Variants in ERCC6L2 observed in about 807,000 individuals in gnomAD.
The protein encoded by ERCC6L2 is ERCC excision repair 6 like 2.
A neutral mutation model predicts 132.0 loss-of-function variants in ERCC6L2; 77 were observed. That is an observed-to-expected ratio of 0.58 (90% CI 0.49 to 0.71). ERCC6L2 has a LOEUF of 0.71. Among genes scored for constraint, ERCC6L2 ranks in the 30% least tolerant of loss-of-function variants. The pLI is 0.00. For synonymous variants in ERCC6L2, 583 were observed against 632.4 expected (o/e 0.92, Z 1.17); for missense variants, 1,542 against 1,837.6 (o/e 0.84, Z 2.94).
chr9:95,907,057 A>T (rs758497633), intron 3 of ERCC6L2, 21 bp from the exon 4 acceptor site: 4 of 1,574,390 alleles, frequency 2.5e-6, no homozygotes, highest in Admixed American at 4.1e-5. Flanking sequence ...AAACAGCAAA[A>T]TTTTTTTATT....
rs919722479 is a variant in ERCC6L2 at position 96,012,889 on chromosome 9, G to A, written c.4339G>A (p.Asp1447Asn). The A allele has an allele frequency of 1.5e-6, 2 of 1,367,502 alleles. No individual in the cohort carries two copies. The highest frequency in any genetic ancestry group is 2.0e-6 in the Non-Finnish European group (2 of 1,021,834). 84.7% of individuals were successfully genotyped at this position (1,367,502 alleles called of 1,614,324 possible). ...ACTTGGTGATACCTCTATTCTTGAT[G>A]ACCTTTTTAAAAGTCATGGGAACAG... ...SLLGDTSILD[D>N]LFKSHGNSPT... Residue 1447 changes from aspartate to asparagine, a missense_variant, in exon 19 of 19, where the codon GAC (aspartate) becomes AAC (asparagine). By Grantham distance (23) the Asp-to-Asn change is conservative. Transcript: ENST00000653738.
chr9:96,041,013 A>G (rs983567584), intron 20 of ERCC6L2, among the ~76,000 whole-genome samples: 1 of 152,224 alleles, frequency 6.6e-6, no homozygotes, highest in Admixed American at 6.5e-5. Flanking sequence ...ATGCCGCTGT[A>G]AACAAGATAA....
rs532088236 is a variant in ERCC6L2, at chr9:95,892,424, CT to C, written c.472-5406del. On this transcript the variant is annotated intron_variant, in intron 2 of 18. Transcript: ENST00000653738. ...AAGTTTCTCGGTGAAGTGTATAAAT[CT>C]TTTTTTTTTTTTTTTTTTGAGGCAA... Among the ~76,000 whole-genome samples the C allele has an allele frequency of 7.6e-3, 872 of 115,110 alleles. 5 individuals are homozygous for C. Among genetic ancestry groups the C allele is most frequent in the Middle Eastern group, 0.01 (2 of 192 alleles). The allele number at this position is 115,110 out of a possible 152,430, so 75.5% of individuals were successfully genotyped here. A position where few individuals can be genotyped will look rare whatever the true frequency, so the allele number is the denominator to read the frequency against.
intron 12 of ERCC6L2, among the ~76,000 whole-genome samples, chr9:95,954,187 A>G (rs1436496823): frequency 6.6e-6 from 1 of 152,234 alleles, no homozygotes. Context: ...GTCTTACTGC[A>G]AAGCTTACAC....
chr9:95,954,464 AC>A (rs752303055), intron 12 of ERCC6L2, among the ~76,000 whole-genome samples: 3 of 152,306 alleles, frequency 2.0e-5, no homozygotes, highest in African/African-American at 4.8e-5. Flanking sequence ...GGAACTGAGA[AC>A]AGAAATAAAG....
intron 4 of ERCC6L2, among the ~76,000 whole-genome samples, chr9:95,908,159 T>C (rs1829169743): frequency 6.6e-6 from 1 of 152,156 alleles, no homozygotes; most frequent in Non-Finnish European, 1.5e-5. Flanking sequence ...ATTGTGTCGC[T>C]TCTCCTCAAC....
At chr9:95,888,272 G>C (rs567496406) in intron 2 of ERCC6L2, among the ~76,000 whole-genome samples, 1 of 152,038 alleles carries the variant, frequency 6.6e-6, no homozygotes, top group Non-Finnish European at 1.5e-5. Flanking sequence ...CCCAGCCTCA[G>C]ATTTACTCAG....
rs552287286 is a variant in ERCC6L2, at chr9:95,885,101, G to T, written c.471+3808G>T. On this transcript the variant is annotated intron_variant, in intron 2 of 18. Coordinates refer to ENST00000653738, the MANE Select transcript of ERCC6L2 (RefSeq NM_020207.7). ...ATAATAACTACTATCTTATAAGCAG[G>T]TTGCAGATTTTTTTTTGTCAAAGAT... 3.9e-3 allele frequency among the ~76,000 whole-genome samples: 596 copies of T among 152,198 alleles called. 1 individual carries two copies. The highest frequency in any genetic ancestry group is 0.014 in the African/African-American group (568 of 41,522).
At chr9:96,040,508 C>G (rs1391548367) in intron 20 of ERCC6L2, among the ~76,000 whole-genome samples, 1 of 152,230 alleles carries the variant, frequency 6.6e-6, no homozygotes, top group Non-Finnish European at 1.5e-5. Flanking sequence ...GCGCTGGTGC[C>G]CTCGGAGCTC....
chr9:95,875,777 G>A lies in ERCC6L2; in HGVS notation c.-262G>A, dbSNP rs543198988. The A allele has an allele frequency of 1.5e-5, 8 of 544,018 alleles. No individual in the cohort carries two copies. Among genetic ancestry groups the A allele is most frequent in the African/African-American group, 7.6e-5 (4 of 52,608 alleles). The allele number at this position is 544,018 out of a possible 1,614,324, so 33.7% of individuals were successfully genotyped here. On this transcript the variant is annotated 5_prime_UTR_variant, in exon 1 of 19. Coordinates refer to ENST00000653738, the MANE Select transcript of ERCC6L2 (RefSeq NM_020207.7). ...AGCCCGAGAGAACTAGGTGAACACC[G>A]CTTTGCCAGCCTCACACAGCGTCCC... is the stretch of plus-strand genomic sequence containing the variant.
chr9:96,026,262 A>C (rs1329289490), intron 19 of ERCC6L2, among the ~76,000 whole-genome samples: 4 of 152,194 alleles, frequency 2.6e-5, no homozygotes, highest in Non-Finnish European at 4.4e-5. Context: ...GCTGACGGGA[A>C]CAGGCTCCTG....
intron 19 of ERCC6L2, among the ~76,000 whole-genome samples, chr9:96,029,308 AAAAAAAAAAAAAAAAC>A (rs1005599108): frequency 1.4e-5 from 2 of 141,458 alleles, no homozygotes; most frequent in Non-Finnish European, 3.0e-5. Flanking sequence ...CGTCTCAAAA[AAAAAAAAAAAAAAAAC>A]AAAAAAAAAA....
intron 6 of ERCC6L2, among the ~76,000 whole-genome samples, chr9:95,919,560 C>T (rs963995101): frequency 1.3e-5 from 2 of 152,130 alleles, no homozygotes. Context: ...ACCTTTAAGG[C>T]TCATTACACC....
chr9:95,998,709 A>G (rs139234888), intron 17 of ERCC6L2, among the ~76,000 whole-genome samples: 47 of 152,328 alleles, frequency 3.1e-4, no homozygotes, highest in African/African-American at 1.1e-3. Flanking sequence ...CAGCCCTGCC[A>G]ACATCTTGAC....
intron 11 of ERCC6L2, among the ~76,000 whole-genome samples, chr9:95,933,484 T>C (rs1830428492): frequency 6.6e-6 from 1 of 152,188 alleles, no homozygotes; most frequent in Non-Finnish European, 1.5e-5. Context: ...TAGGAGACCT[T>C]GAACAAATTA....
rs764297561 is a variant in ERCC6L2 at position 95,972,389 on chromosome 9, G to A, written c.2638G>A (p.Glu880Lys). The A allele has an allele frequency of 2.2e-5, 28 of 1,270,240 alleles. No individual in the cohort carries two copies. The highest frequency in any genetic ancestry group is 3.1e-5 in the African/African-American group (2 of 64,180). 78.7% of individuals were successfully genotyped at this position (1,270,240 alleles called of 1,614,324 possible). A position where few individuals can be genotyped will look rare whatever the true frequency, so the allele number is the denominator to read the frequency against. ...LEQNISSKSD[E>K]KKIKNTDKHC... ...ACAGAATATTTCTTCCAAGTCTGAC[G>A]AGAAAAAAATTAAAAATACAGATAA... The change falls in exon 16 of 19, where the codon GAG (glutamate) becomes AAG (lysine). Residue 880 changes from glutamate (E) to lysine (K), a missense_variant. Glu to Lys is a moderately conservative substitution (Grantham distance 56). Around this residue, in one of 4 missense-constraint regions of ERCC6L2, gnomAD observed 945 missense variants for 1,105.2 expected, o/e 0.86. Coordinates refer to ENST00000653738, the MANE Select transcript of ERCC6L2 (RefSeq NM_020207.7).
intron 19 of ERCC6L2, among the ~76,000 whole-genome samples, chr9:96,030,533 T>C (rs534326987): frequency 1.5e-4 from 22 of 149,872 alleles, no homozygotes; most frequent in Admixed American, 1.2e-3. Context: ...CCGTCTCTAC[T>C]AAAAAAAAAT....
chr9:95,943,602 C>G (rs866663787), intron 12 of ERCC6L2, among the ~76,000 whole-genome samples: 1 of 152,064 alleles, frequency 6.6e-6, no homozygotes, highest in Non-Finnish European at 1.5e-5. Context: ...TTTCAAATCA[C>G]ATATCTGATA....
At chr9:96,022,863 C>A (rs971721553), downstream of ERCC6L2, among the ~76,000 whole-genome samples, 2 of 152,208 alleles carry the variant, frequency 1.3e-5, no homozygotes, top group South Asian at 2.1e-4. Context: ...CCTGGAGATA[C>A]CGCAGGCTCC....
Sources: gnomAD v4.1 joint callset for allele counts (sites outside exome capture counted in the v4.1 genomes callset) on GRCh38, gnomAD v4.1.1 for gene constraint, gnomAD v4.1.1 regional missense constraint, MANE v1.5 for transcripts, NCBI Gene and HGNC (gene_info 2026-07-23, HGNC 2026-07-21) for gene names.